MYO1H: variants seen among roughly 807,000 people sequenced by gnomAD.
The protein encoded by MYO1H is myosin IH, also known as unconventional myosin-Ih.
MYO1H carries 118 observed loss-of-function variants against 149.3 expected under a neutral mutation model. That is an observed-to-expected ratio of 0.79 (90% CI 0.68 to 0.92). MYO1H has a LOEUF of 0.92. Among genes scored for constraint, MYO1H ranks in the 40% least tolerant of loss-of-function variants. MYO1H has a pLI of 0.00. For missense variants in MYO1H, 1,212 were observed against 1,280.7 expected (o/e 0.95, Z 0.82); for synonymous variants, 447 against 465.2 (o/e 0.96, Z 0.50).
At chr12:109,329,487 A>G in the MYO1H span, among the ~76,000 whole-genome samples, 1 of 152,208 alleles carries the variant, frequency 6.6e-6, no homozygotes, top group Non-Finnish European at 1.5e-5. Context: ...TGGAAAGAAC[A>G]GATTAACCAG....
intron 21 of MYO1H, among the ~76,000 whole-genome samples, chr12:109,435,929 C>T (rs1452080759): frequency 2.6e-5 from 4 of 152,182 alleles, no homozygotes; most frequent in African/African-American, 9.7e-5. Context: ...CCTGAGCCAG[C>T]ATCTCTAACC....
intron 5 of MYO1H, among the ~76,000 whole-genome samples, chr12:109,400,793 T>C (rs1305873720): frequency 1.3e-5 from 2 of 152,154 alleles, no homozygotes; most frequent in African/African-American, 4.8e-5. Flanking sequence ...AAAAAGACCT[T>C]TGACCACTAC....
At chr12:109,320,158 A>G in the MYO1H span, among the ~76,000 whole-genome samples, 1 of 152,000 alleles carries the variant, frequency 6.6e-6, no homozygotes, top group Non-Finnish European at 1.5e-5. Flanking sequence ...AAAAATAAAA[A>G]TTAAAAATAG....
At chr12:109,393,349 C>A in exon 3 of MYO1H, 1 of 1,578,924 alleles carries the variant, frequency 6.3e-7, no homozygotes, top group East Asian at 2.3e-5. Context: ...TGGCACCCTC[C>A]TTGTGTCTGT....
chr12:109,358,896 C>A (rs1868673874), intron 1 of MYO1H, among the ~76,000 whole-genome samples: 1 of 143,436 alleles, frequency 7.0e-6, no homozygotes, highest in Non-Finnish European at 1.5e-5. Flanking sequence ...ATTTCCCAAC[C>A]TTTCCAATAG....
intron 16 of MYO1H, among the ~76,000 whole-genome samples, chr12:109,424,457 G>A (rs1871284928): frequency 6.6e-6 from 1 of 152,172 alleles, no homozygotes; most frequent in African/African-American, 2.4e-5. Flanking sequence ...TTCCTGGCCT[G>A]GGATCATTTC....
the MYO1H span, among the ~76,000 whole-genome samples, chr12:109,311,544 G>T: frequency 6.6e-6 from 1 of 152,182 alleles, no homozygotes; most frequent in Admixed American, 6.5e-5. Flanking sequence ...GCAAGGCTTA[G>T]GAATCTTTAT....
chr12:109,378,064 A>G (rs1474630764), intron 1 of MYO1H, among the ~76,000 whole-genome samples: 1 of 152,244 alleles, frequency 6.6e-6, no homozygotes, highest in Admixed American at 6.5e-5. Flanking sequence ...CTTTTTTAAA[A>G]TAACAGCTTT....
chr12:109,444,205 G>C lies in MYO1H; in HGVS notation c.2825-8G>C, dbSNP rs1435323978. 1 of 1,611,380 alleles carries C rather than the reference G, an allele frequency of 6.2e-7. No homozygotes were observed. The highest frequency in any genetic ancestry group is 1.3e-5 in the African/African-American group (1 of 74,992). ...GTTCTTGGCTCCTAACTCTGGATCT[G>C]TCTTAAGGTGTCTCCACTAGCAATC... On this transcript the variant is annotated splice_region_variant and splice_polypyrimidine_tract_variant and intron_variant, in intron 28 of 31. Coordinates refer to ENST00000310903, the Ensembl canonical transcript of MYO1H.
intron 18 of MYO1H, among the ~76,000 whole-genome samples, chr12:109,426,435 AG>A (rs1267267734): frequency 1.3e-5 from 2 of 152,132 alleles, no homozygotes; most frequent in African/African-American, 2.4e-5. Flanking sequence ...CTGAGGTGGG[AG>A]GATCAATTGA....
intron 23 of MYO1H, among the ~76,000 whole-genome samples, chr12:109,439,251 A>G (rs1027787322): frequency 6.0e-4 from 91 of 152,086 alleles, no homozygotes; most frequent in African/African-American, 2.2e-3. Context: ...AATTTTTTGT[A>G]TTTTTAGTAG....
chr12:109,387,738 GGTGACCACTTT>G (rs1475743837), intron 1 of MYO1H, among the ~76,000 whole-genome samples: 3 of 152,190 alleles, frequency 2.0e-5, no homozygotes, highest in Admixed American at 2.0e-4. Context: ...CCAAGGGCCT[GGTGACCACTTT>G]GTCACAGCCC....
chr12:109,340,609 A>G, the MYO1H span, among the ~76,000 whole-genome samples: 311 of 152,366 alleles, frequency 2.0e-3, 1 homozygote, highest in Middle Eastern at 3.4e-3. Context: ...ATATAAAATC[A>G]TACAGTAAAA....
chr12:109,404,110 T>TC (rs976657628), intron 7 of MYO1H, 30 bp downstream of exon 7: 4 of 1,508,430 alleles, frequency 2.7e-6, no homozygotes, highest in African/African-American at 2.7e-5. Context: ...AACTGATAGT[T>TC]CCCCCTGGGA....
intron 15 of MYO1H, among the ~76,000 whole-genome samples, chr12:109,419,476 A>C (rs1276547019): frequency 2.0e-5 from 3 of 151,934 alleles, no homozygotes; most frequent in Non-Finnish European, 4.4e-5. Flanking sequence ...CTGTGGGGGG[A>C]GTGAAGCCAG....
intron 1 of MYO1H, among the ~76,000 whole-genome samples, chr12:109,370,363 C>T (rs186622944): frequency 2.6e-4 from 39 of 152,278 alleles, no homozygotes; most frequent in Admixed American, 4.6e-4. Flanking sequence ...TCTATCATGC[C>T]AAGGTCCAAA....
chr12:109,424,616 C>T (rs1466316575), intron 16 of MYO1H, 132 bp from the exon 17 acceptor site: 1 of 631,146 alleles, frequency 1.6e-6, no homozygotes, highest in African/African-American at 1.9e-5. Context: ...CCTTTCTTTA[C>T]ATTAGGAACA....
At chr12:109,358,046 G>C (rs1868648634) in intron 1 of MYO1H, among the ~76,000 whole-genome samples, 1 of 151,632 alleles carries the variant, frequency 6.6e-6, no homozygotes, top group Non-Finnish European at 1.5e-5. Flanking sequence ...GAATTTCCTT[G>C]ACCACTCACT....
intron 1 of MYO1H, among the ~76,000 whole-genome samples, chr12:109,367,744 G>C (rs897236952): frequency 6.6e-6 from 1 of 152,064 alleles, no homozygotes; most frequent in Non-Finnish European, 1.5e-5. Context: ...AGTAGAGACA[G>C]GGTTTCACCG....
Sources: allele counts gnomAD v4.1 joint callset (sites outside exome capture counted in the v4.1 genomes callset), GRCh38; gene constraint gnomAD v4.1.1; transcripts MANE v1.5; gene names NCBI Gene and HGNC (gene_info 2026-07-23, HGNC 2026-07-21).